The following ANK2 variants were observed in gnomAD, a reference collection of about 807,000 sequenced individuals.
The protein encoded by ANK2 is ankyrin-2.
Under a neutral mutation model 360.5 loss-of-function variants are expected in ANK2, and 83 were observed. That is an observed-to-expected ratio of 0.23 (90% confidence interval 0.19 to 0.28). ANK2 has a LOEUF of 0.28. ANK2 is among the 10% of genes least tolerant of loss of function. The pLI is 1.00. For synonymous variants in ANK2, 1,740 were observed against 1,759.5 expected (o/e 0.99, Z 0.28); for missense variants, 4,201 against 4,795.7 (o/e 0.88, Z 3.66).
the ANK2 span, among the ~76,000 whole-genome samples, chr4:112,810,926 CTTTCT>C: frequency 3.7e-5 from 5 of 136,644 alleles, no homozygotes; most frequent in East Asian, 2.3e-4. Flanking sequence ...CTTTTTCTTT[CTTTCT>C]TTTTTTTTTT....
At chr4:113,137,599 T>C (rs774010606) in intron 1 of ANK2, among the ~76,000 whole-genome samples, 4 of 152,222 alleles carry the variant, frequency 2.6e-5, no homozygotes, top group Admixed American at 6.5e-5. Flanking sequence ...TTTAGAGATA[T>C]ATCTGCATTT....
At chr4:113,003,396 A>G (rs919664031) in intron 2 of ANK2, among the ~76,000 whole-genome samples, 3 of 152,134 alleles carry the variant, frequency 2.0e-5, no homozygotes, top group African/African-American at 7.2e-5. Flanking sequence ...TTTGAACTAG[A>G]CAACACTCAA....
At chr4:113,115,703 C>T (rs2094696088) in intron 1 of ANK2, among the ~76,000 whole-genome samples, 1 of 152,106 alleles carries the variant, frequency 6.6e-6, no homozygotes, top group Admixed American at 6.5e-5. Context: ...CTCTTACTAT[C>T]TTTATGTAGT....
chr4:113,280,234 A>C (rs944320873), intron 17 of ANK2, among the ~76,000 whole-genome samples: 2 of 152,226 alleles, frequency 1.3e-5, no homozygotes, highest in African/African-American at 2.4e-5. Context: ...TTCTCTTTCC[A>C]CAAGGGACTC....
intron 4 of ANK2, among the ~76,000 whole-genome samples, chr4:113,204,797 G>A (rs1420401183): frequency 6.6e-6 from 1 of 152,136 alleles, no homozygotes; most frequent in Non-Finnish European, 1.5e-5. Context: ...GCGCTTAGAT[G>A]CTGCTATAAC....
intron 2 of ANK2, among the ~76,000 whole-genome samples, chr4:113,001,667 C>T (rs534397107): frequency 6.6e-6 from 1 of 152,296 alleles, no homozygotes; most frequent in South Asian, 2.1e-4. Flanking sequence ...GTAAATTCCA[C>T]TTACAGTTCT....
At chr4:113,119,229 A>G (rs1324861948) in intron 1 of ANK2, among the ~76,000 whole-genome samples, 1 of 152,118 alleles carries the variant, frequency 6.6e-6, no homozygotes, top group South Asian at 2.1e-4. Context: ...AGGCATAGCT[A>G]GTATTTGTCC....
the ANK2 span, among the ~76,000 whole-genome samples, chr4:112,772,807 T>G: frequency 6.6e-6 from 1 of 152,144 alleles, no homozygotes; most frequent in Non-Finnish European, 1.5e-5. Flanking sequence ...GTGCAGTTGC[T>G]TTCTTCTTCT....
chr4:113,329,004 A>G (rs1040506883), intron 26 of ANK2, among the ~76,000 whole-genome samples: 13 of 152,224 alleles, frequency 8.5e-5, no homozygotes, highest in African/African-American at 3.1e-4. Flanking sequence ...TGCTGAGCAG[A>G]TTATAAGCAG....
At chr4:113,024,440 A>T (rs2058815258) in intron 2 of ANK2, among the ~76,000 whole-genome samples, 1 of 152,174 alleles carries the variant, frequency 6.6e-6, no homozygotes, top group Non-Finnish European at 1.5e-5. Flanking sequence ...TTTTTAAAGG[A>T]TACAAAAATT....
intron 39 of ANK2, among the ~76,000 whole-genome samples, chr4:113,362,207 G>A (rs1162266544): frequency 6.6e-6 from 1 of 152,076 alleles, no homozygotes; most frequent in Non-Finnish European, 1.5e-5. Flanking sequence ...GCTTTAGGTG[G>A]TTTCCCAGTA....
intron 22 of ANK2, among the ~76,000 whole-genome samples, chr4:113,296,954 TA>T (rs1259824993): frequency 6.6e-6 from 1 of 152,180 alleles, no homozygotes; most frequent in Non-Finnish European, 1.5e-5. Context: ...AATAAATTAG[TA>T]AAATAAAAAT....
At chr4:112,745,586 T>G in the ANK2 span, among the ~76,000 whole-genome samples, 1 of 144,748 alleles carries the variant, frequency 6.9e-6, no homozygotes, top group East Asian at 2.0e-4. Flanking sequence ...CAGGCTGGAG[T>G]GCAATGGCAC....
chr4:113,329,445 A>G (rs77085476), intron 26 of ANK2, among the ~76,000 whole-genome samples: 3,565 of 152,302 alleles, frequency 0.023, 127 homozygotes, highest in African/African-American at 0.081. Context: ...TTTCTAAATT[A>G]TTAGCTATAA....
chr4:113,376,340 C>T (rs1227065939), intron 45 of ANK2, among the ~76,000 whole-genome samples: 1 of 152,070 alleles, frequency 6.6e-6, no homozygotes, highest in African/African-American at 2.4e-5. Flanking sequence ...GTAAGTATTT[C>T]CCTATCTAAA....
rs559107796 is a variant in ANK2 at position 113,266,832 on chromosome 4, G to A, written c.1485+1837G>A. 5.9e-5 allele frequency among the ~76,000 whole-genome samples: 9 copies of A among 152,162 alleles called. No homozygotes were observed. In the South Asian group the frequency reaches 8.3e-4, roughly 14 times the overall value. ...GCGGAGGTTGCGGTGAGCTGAGATC[G>A]TGCCATTGCACTCCAGCCTGGGCAA... is the stretch of plus-strand genomic sequence containing the variant. On this transcript the variant is annotated intron_variant, in intron 14 of 45. Transcript: ENST00000357077.
Position 113,358,069 on chromosome 4 carries a change from G to C in ANK2, c.9451G>C (p.Ala3151Pro). Residue 3151 changes from alanine to proline, a missense_variant, in exon 38 of 46, where the codon GCT becomes CCT. Transcript: ENST00000357077. ...TCTCTCTGAAGATGTGAAAGAAGGG[G>C]CTACTGGGGCTGATCCCCTACCGCT... The part of the protein sequence containing the change: ...ETLSEDVKEG[A>P]TGADPLPLET... 1 of 1,614,062 alleles carries C rather than the reference G, an allele frequency of 6.2e-7. No homozygotes were observed. Among genetic ancestry groups the C allele is most frequent in the South Asian group, 1.1e-5 (1 of 91,086 alleles).
At chr4:113,274,797 T>C in intron 15 of ANK2, 148 bp downstream of exon 15, 1 of 841,890 alleles carries the variant, frequency 1.2e-6, no homozygotes, top group South Asian at 1.6e-5. Flanking sequence ...ATTGTCTAAA[T>C]GATTTAATAG....
At chr4:112,992,035 C>G (rs1173377714) in intron 2 of ANK2, among the ~76,000 whole-genome samples, 3 of 152,042 alleles carry the variant, frequency 2.0e-5, no homozygotes, top group African/African-American at 7.2e-5. Flanking sequence ...TTGCCCTCGT[C>G]TTTTATTTCT....
Sources: allele counts gnomAD v4.1 joint callset (sites outside exome capture counted in the v4.1 genomes callset), GRCh38; gene constraint gnomAD v4.1.1; transcripts MANE v1.5; gene names NCBI Gene and HGNC (gene_info 2026-07-23, HGNC 2026-07-21).